Variants in SYTL4 observed in about 807,000 individuals in gnomAD.
SYTL4 encodes synaptotagmin like 4.
SYTL4 carries 16 observed loss-of-function variants against 52.7 expected under a neutral mutation model. The observed-to-expected ratio is 0.30, with a 90% CI of 0.21 to 0.46. SYTL4 has a LOEUF of 0.46. SYTL4 is among the 20% of genes least tolerant of loss of function. The pLI is 1.00. For missense variants in SYTL4, 423 were observed against 519.9 expected (o/e 0.81, Z 1.81); for synonymous variants, 160 against 186.6 (o/e 0.86, Z 1.16).
At chrX:100,686,546 A>AT (rs1170481319) in intron 15 of SYTL4, 133 bp downstream of exon 15, 6 of 467,627 alleles carry the variant, frequency 1.3e-5, no homozygotes, top group Non-Finnish European at 1.8e-5. Context: ...ATGTGAACAG[A>AT]TACCCAATGT....
At position 100,683,970 on chromosome X, in the gene SYTL4, T is replaced by A. The variant is rs192864011; in HGVS notation, c.1449+2020A>T. Among the ~76,000 whole-genome samples the A allele has an allele frequency of 5.7e-3, 631 of 111,675 alleles. 8 individuals carry two copies. Among genetic ancestry groups the A allele is most frequent in the African/African-American group, 0.019 (592 of 30,692 alleles). On this transcript the variant is annotated intron_variant, in intron 16 of 19. Transcript: ENST00000372989. ...GTTTACAGTGACATTTCCAATATAATTATATTGACCGTAGAGAATGACTTG... is the reference window on the plus strand; with the variant it reads ...GTTTACAGTGACATTTCCAATATAAATATATTGACCGTAGAGAATGACTTG...
At chrX:100,723,758 C>T (rs1285401289) in intron 2 of SYTL4, among the ~76,000 whole-genome samples, 1 of 108,617 alleles carries the variant, frequency 9.2e-6, no homozygotes, top group Admixed American at 9.6e-5. Flanking sequence ...TGAGGAGCCC[C>T]TCCGCCCGGC....
In SYTL4 at chrX:100,691,099, G is replaced by A. The variant is rs370416765; in HGVS notation, c.641+9C>T. 3.1e-5 allele frequency: 37 copies of A among 1,179,981 alleles called. No homozygotes were observed. In the African/African-American group the frequency reaches 6.0e-4, roughly 19 times the overall value. On this transcript the variant is annotated intron_variant, in intron 9 of 19. Transcript: ENST00000372989. ...TGAGAGGAGATGAGGGAAATGGGGG[G>A]AACCCCACCTGGAGGTGCTATCCGA...
At chrX:100,705,920 T>C (rs1317777727) in intron 2 of SYTL4, among the ~76,000 whole-genome samples, 1 of 111,450 alleles carries the variant, frequency 9.0e-6, no homozygotes, top group Non-Finnish European at 1.9e-5. Flanking sequence ...TCTTCAACTT[T>C]ATCAAGACCA....
intron 2 of SYTL4, among the ~76,000 whole-genome samples, chrX:100,710,684 T>G (rs1031043990): frequency 2.7e-5 from 3 of 112,196 alleles, no homozygotes; most frequent in African/African-American, 6.5e-5. Flanking sequence ...GTGAGCCCTT[T>G]GATTTTCCCA....
At position 100,707,470 on chromosome X, in the gene SYTL4, T is replaced by A. The variant is rs17329161; in HGVS notation, c.-239-2584A>T. On this transcript the variant is annotated intron_variant, in intron 2 of 19. Transcript: ENST00000372989. ...CATCACTACTCCCCATACTATGGCATAGAATGTTCTCTAGAAATTCAAAAA... is the reference window on the plus strand; with the variant it reads ...CATCACTACTCCCCATACTATGGCAAAGAATGTTCTCTAGAAATTCAAAAA... 0.018 allele frequency among the ~76,000 whole-genome samples: 1,959 copies of A among 111,679 alleles called. 94 individuals carry two copies. In the East Asian group the frequency reaches 0.24, roughly 14 times the overall value.
chrX:100,729,477 C>G (rs1190244941), intron 2 of SYTL4, among the ~76,000 whole-genome samples: 1 of 110,784 alleles, frequency 9.0e-6, no homozygotes, highest in African/African-American at 3.3e-5. Flanking sequence ...ATAGGGTGGT[C>G]AGGGCAAATT....
intron 18 of SYTL4, chrX:100,678,915 A>G (rs547113810): frequency 9.8e-5 from 29 of 296,005 alleles, no homozygotes; most frequent in African/African-American, 7.2e-4. Flanking sequence ...AAATAAAACC[A>G]ATAGTAATAT....
At chrX:100,720,067 G>C in intron 2 of SYTL4, among the ~76,000 whole-genome samples, 1 of 111,961 alleles carries the variant, frequency 8.9e-6, no homozygotes, top group Non-Finnish European at 1.9e-5. Context: ...GTGATACATA[G>C]AAGTAACTCT....
Position 100,678,180 on chromosome X carries a change from A to G in SYTL4, c.1867+211T>C, listed in dbSNP as rs143724725. Among the ~76,000 whole-genome samples, 98 of 111,482 alleles carry G rather than the reference A, an allele frequency of 8.8e-4. No individual in the cohort carries two copies. The East Asian group carries it at 0.01, about 12-fold the overall frequency. On this transcript the variant is annotated intron_variant, in intron 19 of 19. Coordinates refer to ENST00000372989, the MANE Select transcript of SYTL4 (RefSeq NM_001370165.1). ...TGAAGTTCCTGGCAATCAGGGTCAC[A>G]TTTATCTGTGCACATATCAGTGCAT...
chrX:100,727,915 C>T (rs925392689), intron 2 of SYTL4, among the ~76,000 whole-genome samples: 14 of 111,396 alleles, frequency 1.3e-4, no homozygotes, highest in Non-Finnish European at 2.4e-4. Context: ...GTTTTGGCCA[C>T]GTTACATTTG....
At chrX:100,694,193 C>A (rs2083657683) in intron 8 of SYTL4, among the ~76,000 whole-genome samples, 1 of 112,060 alleles carries the variant, frequency 8.9e-6, no homozygotes, top group Non-Finnish European at 1.9e-5. Flanking sequence ...AACTTTACCT[C>A]CATTTTTAAA....
intron 2 of SYTL4, among the ~76,000 whole-genome samples, chrX:100,720,216 G>A (rs1268302372): frequency 8.9e-6 from 1 of 111,979 alleles, no homozygotes; most frequent in Non-Finnish European, 1.9e-5. Flanking sequence ...AGACACAAGA[G>A]CCTCATAGGC....
chrX:100,691,828 A>G (rs6616174), intron 8 of SYTL4, among the ~76,000 whole-genome samples: 55,842 of 109,803 alleles, frequency 0.51, 12,147 homozygotes, highest in African/African-American at 0.82. Context: ...GTAAGCCACC[A>G]CACCCGGCCC....
chrX:100,682,698 C>T (rs1293239180), intron 16 of SYTL4, among the ~76,000 whole-genome samples: 2 of 111,056 alleles, frequency 1.8e-5, no homozygotes, highest in African/African-American at 6.6e-5. Context: ...CAGAGCCAGA[C>T]CCTGTCCCTC....
At chrX:100,685,267 G>A (rs767276627) in intron 16 of SYTL4, 1 of 111,503 alleles carries the variant, frequency 9.0e-6, no homozygotes, top group South Asian at 3.8e-4. Context: ...AAAGTCTATG[G>A]ACCATGTAAA....
At chrX:100,699,248 T>C (rs2083782907) in intron 8 of SYTL4, among the ~76,000 whole-genome samples, 1 of 106,773 alleles carries the variant, frequency 9.4e-6, no homozygotes, top group Non-Finnish European at 1.9e-5. Context: ...GTGCCTGTAA[T>C]CCCAGCTACT....
At chrX:100,721,747 C>T (rs1442068123) in intron 2 of SYTL4, among the ~76,000 whole-genome samples, 1 of 111,233 alleles carries the variant, frequency 9.0e-6, no homozygotes, top group Non-Finnish European at 1.9e-5. Flanking sequence ...CTGCTTTCAC[C>T]TCCTCAGCTC....
intron 2 of SYTL4, among the ~76,000 whole-genome samples, chrX:100,726,274 G>A (rs921418421): frequency 1.8e-5 from 2 of 110,944 alleles, no homozygotes; most frequent in African/African-American, 6.6e-5. Flanking sequence ...GACAAAAATT[G>A]TGTCTATTTA....
Sources: gnomAD v4.1 joint callset for allele counts (sites outside exome capture counted in the v4.1 genomes callset) on GRCh38, gnomAD v4.1.1 for gene constraint, MANE v1.5 for transcripts, NCBI Gene and HGNC (gene_info 2026-07-23, HGNC 2026-07-21) for gene names.